Variants in SUGCT observed in about 807,000 individuals in gnomAD.
SUGCT encodes the protein succinyl-CoA:glutarate-CoA transferase.
Under a neutral mutation model 55.0 loss-of-function variants are expected in SUGCT, and 41 were observed. The observed-to-expected ratio is 0.74, with a 90% CI of 0.58 to 0.97. The LOEUF (loss-of-function observed/expected upper bound fraction) is 0.97, where lower values mean the gene tolerates loss of function less well. Among genes scored for constraint, SUGCT ranks in the 50% least tolerant of loss-of-function variants. The pLI is 0.00. For synonymous variants in SUGCT, 187 were observed against 200.4 expected (o/e 0.93, Z 0.56); for missense variants, 568 against 547.8 (o/e 1.04, Z -0.37).
chr7:40,286,499 A>G (rs1331069753), intron 8 of SUGCT, among the ~76,000 whole-genome samples: 2 of 152,150 alleles, frequency 1.3e-5, no homozygotes, highest in East Asian at 1.9e-4. Flanking sequence ...TGGCATATTC[A>G]TAGGTTCTGG....
intron 12 of SUGCT, among the ~76,000 whole-genome samples, chr7:40,569,978 C>T (rs1233716680): frequency 6.6e-6 from 1 of 152,114 alleles, no homozygotes; most frequent in African/African-American, 2.4e-5. Context: ...ATGTAGCTTG[C>T]TACCATAAAA....
intron 13 of SUGCT, among the ~76,000 whole-genome samples, chr7:40,822,338 T>C (rs527288758): frequency 2.0e-5 from 3 of 152,174 alleles, no homozygotes; most frequent in South Asian, 4.1e-4. Context: ...TCTGTCTCGT[T>C]GATCTGTCTA....
At chr7:40,204,637 T>A (rs1027789825) in intron 6 of SUGCT, among the ~76,000 whole-genome samples, 4 of 151,244 alleles carry the variant, frequency 2.6e-5, no homozygotes, top group African/African-American at 9.7e-5. Flanking sequence ...ATTAAGAAAA[T>A]CTTGGAGCCA....
chr7:40,959,700 T>C, the SUGCT span, among the ~76,000 whole-genome samples: 1 of 140,106 alleles, frequency 7.1e-6, no homozygotes, highest in African/African-American at 2.9e-5. Context: ...GTGTTCCAGA[T>C]GCCACTGGGG....
intron 12 of SUGCT, among the ~76,000 whole-genome samples, chr7:40,724,444 TC>T (rs1786510059): frequency 1.3e-5 from 2 of 151,942 alleles, no homozygotes; most frequent in Non-Finnish European, 2.9e-5. Context: ...GCGCCTGTAG[TC>T]CCAGCTGCTG....
chr7:40,973,552 A>T, the SUGCT span, among the ~76,000 whole-genome samples: 2 of 152,204 alleles, frequency 1.3e-5, no homozygotes, highest in Non-Finnish European at 2.9e-5. Context: ...GCACGTCTGA[A>T]CTATCAGAGA....
At chr7:40,776,244 A>G (rs968080566) in intron 13 of SUGCT, among the ~76,000 whole-genome samples, 1 of 152,198 alleles carries the variant, frequency 6.6e-6, no homozygotes, top group Non-Finnish European at 1.5e-5. Context: ...TCTCTTTCCC[A>G]CGCTGCCTCA....
intron 7 of SUGCT, among the ~76,000 whole-genome samples, chr7:40,238,397 C>T (rs529427034): frequency 3.3e-5 from 5 of 151,552 alleles, no homozygotes; most frequent in South Asian, 2.1e-4. Context: ...AAAAGGCTCT[C>T]GGGGAAAGCA....
At chr7:40,643,453 G>A (rs918685839) in intron 12 of SUGCT, among the ~76,000 whole-genome samples, 1 of 152,174 alleles carries the variant, frequency 6.6e-6, no homozygotes, top group Non-Finnish European at 1.5e-5. Flanking sequence ...GTTGCTTTTG[G>A]ATGGTGCTAG....
Position 40,374,341 on chromosome 7 carries a change from A to G in SUGCT, c.816+57486A>G, listed in dbSNP as rs10274463. Among the ~76,000 whole-genome samples, 533 of 152,274 alleles carry G rather than the reference A, an allele frequency of 3.5e-3. 2 individuals are homozygous for G. Among genetic ancestry groups the G allele is most frequent in the Middle Eastern group, 0.014 (4 of 294 alleles). On this transcript the variant is annotated intron_variant, in intron 9 of 13. Transcript: ENST00000335693. The stretch of plus-strand genomic sequence containing the variant: ...TGGTAGGTGGTGTCATCCTCATTTT[A>G]CAGATGAGGAAGCTAAGGTTCAGAA...
chr7:40,335,080 T>C (rs1388990338), intron 9 of SUGCT, among the ~76,000 whole-genome samples: 1 of 152,216 alleles, frequency 6.6e-6, no homozygotes, highest in Non-Finnish European at 1.5e-5. Context: ...TGGTATTGTT[T>C]CTGAGGGCTC....
At chr7:40,247,119 A>G (rs1475092150) in intron 7 of SUGCT, among the ~76,000 whole-genome samples, 1 of 152,118 alleles carries the variant, frequency 6.6e-6, no homozygotes, top group Non-Finnish European at 1.5e-5. Flanking sequence ...GTATATACCT[A>G]CAAGTGAAAA....
chr7:40,827,921 C>T lies in SUGCT; in HGVS notation c.1154-32395C>T, dbSNP rs190125359. On this transcript the variant is annotated intron_variant, in intron 13 of 13. Coordinates refer to ENST00000335693, the MANE Select transcript of SUGCT (RefSeq NM_001193313.2). The stretch of plus-strand genomic sequence containing the variant: ...GCCAGCACAGAAGTTGCCCGTCTGT[C>T]ACAGATGGGTATCAGAGTCTTGAAA... Among the ~76,000 whole-genome samples, 11 of 152,212 alleles carry T rather than the reference C, an allele frequency of 7.2e-5. No homozygotes were observed. The East Asian group carries it at 2.1e-3, about 29-fold the overall frequency.
At chr7:40,171,968 TTC>T (rs537824863) in intron 1 of SUGCT, among the ~76,000 whole-genome samples, 3 of 152,196 alleles carry the variant, frequency 2.0e-5, no homozygotes, top group Non-Finnish European at 4.4e-5. Flanking sequence ...GTATCTCTCT[TTC>T]TCTCTTTTCC....
At chr7:40,335,499 T>C (rs1197249836) in intron 9 of SUGCT, among the ~76,000 whole-genome samples, 1 of 152,124 alleles carries the variant, frequency 6.6e-6, no homozygotes, top group East Asian at 1.9e-4. Flanking sequence ...TATTTTATTC[T>C]CTTTGAAGCA....
the SUGCT span, among the ~76,000 whole-genome samples, chr7:40,969,652 C>G: frequency 6.6e-6 from 1 of 152,158 alleles, no homozygotes; most frequent in African/African-American, 2.4e-5. Context: ...CCGCTGCACC[C>G]AGCTTTCAAC....
At chr7:40,437,105 G>A (rs1417723115) in intron 9 of SUGCT, among the ~76,000 whole-genome samples, 15 of 152,168 alleles carry the variant, frequency 9.9e-5, no homozygotes, top group Admixed American at 9.8e-4. Context: ...TTGAATAACA[G>A]CAGGCTTTCT....
intron 7 of SUGCT, among the ~76,000 whole-genome samples, chr7:40,271,524 G>A (rs1792013032): frequency 6.6e-6 from 1 of 152,030 alleles, no homozygotes; most frequent in South Asian, 2.1e-4. Flanking sequence ...TTATTAGGTT[G>A]AGAAGTTTCA....
chr7:40,162,194 C>T (rs560758793), intron 1 of SUGCT, among the ~76,000 whole-genome samples: 4 of 152,222 alleles, frequency 2.6e-5, no homozygotes, highest in East Asian at 1.9e-4. Flanking sequence ...CCGCGCCCGG[C>T]CGTGAAGTGA....
Sources: gnomAD v4.1 joint callset for allele counts (sites outside exome capture counted in the v4.1 genomes callset) on GRCh38, gnomAD v4.1.1 for gene constraint, MANE v1.5 for transcripts, NCBI Gene and HGNC (gene_info 2026-07-23, HGNC 2026-07-21) for gene names.